KATNA1: variants seen among roughly 807,000 people sequenced by gnomAD.
KATNA1 encodes katanin p60 ATPase-containing subunit A1.
A neutral mutation model predicts 62.6 loss-of-function variants in KATNA1; 42 were observed. That is an observed-to-expected ratio of 0.67 (90% CI 0.52 to 0.87). The LOEUF is 0.87. Ranked by LOEUF, KATNA1 falls within the 40% of genes least tolerant of loss-of-function variation. KATNA1 has a pLI of 0.00. For synonymous variants in KATNA1, 186 were observed against 201.9 expected (o/e 0.92, Z 0.67); for missense variants, 498 against 612.5 (o/e 0.81, Z 1.97).
At chr6:149,633,029 C>A in intron 2 of KATNA1, 113 bp from the exon 3 acceptor site, 2 of 685,352 alleles carry the variant, frequency 2.9e-6, no homozygotes, top group Non-Finnish European at 4.8e-6. Context: ...TATCAGATAT[C>A]CAGTAAACCA....
At chr6:149,635,532 C>A (rs1562300320) in intron 2 of KATNA1, among the ~76,000 whole-genome samples, 1 of 151,846 alleles carries the variant, frequency 6.6e-6, no homozygotes, top group Non-Finnish European at 1.5e-5. Flanking sequence ...ATGGCAAAAA[C>A]CCCGTCTCTA....
rs386408910 is a variant in KATNA1 at position 149,600,770 on chromosome 6, T to TAAA, written c.888+821_888+823dup. Reference sequence around the variant, plus strand: ...GGGCAACACAGCAAGACCCCATCTGTAAAAAAAAAAAAAAAAAAAAAATGA... The same window carrying TAAA: ...GGGCAACACAGCAAGACCCCATCTGTAAAAAAAAAAAAAAAAAAAAAAAAATGA... On this transcript the variant is annotated intron_variant, in intron 7 of 10. Coordinates refer to ENST00000367411, the MANE Select transcript of KATNA1 (RefSeq NM_007044.4). Among the ~76,000 whole-genome samples, 960 of 108,310 alleles carry TAAA rather than the reference T, an allele frequency of 8.9e-3. 21 individuals carry two copies. Among genetic ancestry groups the TAAA allele is most frequent in the East Asian group, 0.03 (105 of 3,496 alleles). 71.1% of individuals were successfully genotyped at this position (108,310 alleles called of 152,430 possible).
At chr6:149,633,781 C>T (rs1025763523) in intron 2 of KATNA1, among the ~76,000 whole-genome samples, 1 of 151,656 alleles carries the variant, frequency 6.6e-6, no homozygotes, top group African/African-American at 2.4e-5. Flanking sequence ...AATCATACTA[C>T]TAATTTATAT....
intron 7 of KATNA1, 75 bp from the exon 8 acceptor site, chr6:149,598,425 C>T: frequency 6.9e-7 from 1 of 1,458,336 alleles, no homozygotes; most frequent in Non-Finnish European, 9.4e-7. Flanking sequence ...GATTAGCAAT[C>T]AGAAAATAGC....
intron 1 of KATNA1, among the ~76,000 whole-genome samples, chr6:149,639,324 G>C (rs565844376): frequency 2.0e-5 from 3 of 151,698 alleles, no homozygotes; most frequent in Non-Finnish European, 4.4e-5. Context: ...AAACAGGCCC[G>C]GTGCGGTGGC....
chr6:149,599,930 A>C (rs1171732152), intron 7 of KATNA1, among the ~76,000 whole-genome samples: 2 of 152,108 alleles, frequency 1.3e-5, no homozygotes, highest in South Asian at 2.1e-4. Context: ...AAAAACAAGG[A>C]GTTTCGGCAT....
intron 4 of KATNA1, among the ~76,000 whole-genome samples, chr6:149,616,197 A>T (rs1779161453): frequency 6.6e-6 from 1 of 152,230 alleles, no homozygotes; most frequent in Non-Finnish European, 1.5e-5. Flanking sequence ...CCGTACACTT[A>T]AAAACCGTTA....
intron 3 of KATNA1, among the ~76,000 whole-genome samples, chr6:149,624,676 G>T (rs1402786210): frequency 1.3e-5 from 2 of 151,888 alleles, no homozygotes; most frequent in Non-Finnish European, 2.9e-5. Flanking sequence ...CCCTGTGTTG[G>T]TCCTCATTTC....
chr6:149,637,669 A>AG (rs1419638203), intron 2 of KATNA1, among the ~76,000 whole-genome samples: 1 of 152,154 alleles, frequency 6.6e-6, no homozygotes, highest in Non-Finnish European at 1.5e-5. Flanking sequence ...TCTACCAAAA[A>AG]TACAAAAATT....
At chr6:149,632,244 G>A (rs1310606807) in intron 3 of KATNA1, among the ~76,000 whole-genome samples, 2 of 151,914 alleles carry the variant, frequency 1.3e-5, no homozygotes, top group South Asian at 2.1e-4. Flanking sequence ...TACAGGTGGT[G>A]TGTGCCTGTA....
At chr6:149,616,608 G>C (rs766993394) in intron 4 of KATNA1, among the ~76,000 whole-genome samples, 1 of 152,126 alleles carries the variant, frequency 6.6e-6, no homozygotes, top group Non-Finnish European at 1.5e-5. Flanking sequence ...AAAAAAATTA[G>C]TCGGGCCTGG....
At chr6:149,628,935 A>C (rs1325211890) in intron 3 of KATNA1, among the ~76,000 whole-genome samples, 1 of 152,194 alleles carries the variant, frequency 6.6e-6, no homozygotes, top group African/African-American at 2.4e-5. Flanking sequence ...AAGTAAAATA[A>C]ATTATAGGAA....
intron 8 of KATNA1, 88 bp from the exon 9 acceptor site, chr6:149,597,729 T>C (rs765663241): frequency 3.5e-5 from 44 of 1,253,086 alleles, no homozygotes; most frequent in Admixed American, 3.2e-4. Context: ...AACAACTATT[T>C]AGTACAACAA....
chr6:149,597,738 A>G, intron 8 of KATNA1, 97 bp from the exon 9 acceptor site: 2 of 1,165,064 alleles, frequency 1.7e-6, no homozygotes, highest in Non-Finnish European at 2.5e-6. Context: ...TTAGTACAAC[A>G]ATACAAGGAA....
At chr6:149,597,001 C>T in intron 10 of KATNA1, 62 bp downstream of exon 10, 1 of 1,576,610 alleles carries the variant, frequency 6.3e-7, no homozygotes, top group Non-Finnish European at 8.6e-7. Context: ...AAAACAAAAC[C>T]AAAAAACTTC....
chr6:149,625,645 A>G (rs976144864), intron 3 of KATNA1, among the ~76,000 whole-genome samples: 1 of 148,840 alleles, frequency 6.7e-6, no homozygotes, highest in African/African-American at 2.5e-5. Flanking sequence ...AAGAAAAGAT[A>G]CTCCTAGGCT....
At chr6:149,605,129 T>C (rs1401119942) in intron 4 of KATNA1, among the ~76,000 whole-genome samples, 2 of 151,102 alleles carry the variant, frequency 1.3e-5, no homozygotes, top group East Asian at 3.9e-4. Flanking sequence ...GCCAAGATCA[T>C]GCTACTGCAC....
At chr6:149,610,356 T>C (rs1778903043) in intron 4 of KATNA1, among the ~76,000 whole-genome samples, 1 of 149,640 alleles carries the variant, frequency 6.7e-6, no homozygotes, top group Non-Finnish European at 1.5e-5. Flanking sequence ...ATCCAAAGGA[T>C]CCGACAGACA....
intron 7 of KATNA1, among the ~76,000 whole-genome samples, chr6:149,600,289 C>T (rs1239970450): frequency 6.6e-6 from 1 of 150,442 alleles, no homozygotes; most frequent in African/African-American, 2.4e-5. Context: ...AGTGTTAGGC[C>T]AGGAGTTCTA....
Sources: gnomAD v4.1 joint callset for allele counts (sites outside exome capture counted in the v4.1 genomes callset) on GRCh38, gnomAD v4.1.1 for gene constraint, MANE v1.5 for transcripts, NCBI Gene and HGNC (gene_info 2026-07-23, HGNC 2026-07-21) for gene names.